Variants in GGNBP2 observed in about 807,000 individuals in gnomAD.
The protein encoded by GGNBP2 is gametogenetin-binding protein 2.
GGNBP2 carries 10 observed loss-of-function variants against 85.9 expected under a neutral mutation model. The ratio of observed to expected loss-of-function variants is 0.12; its 90% CI spans 0.07 to 0.20. The LOEUF (loss-of-function observed/expected upper bound fraction) is 0.20. GGNBP2 is among the 10% of genes least tolerant of loss of function. GGNBP2 has a pLI of 1.00. For synonymous variants in GGNBP2, 287 were observed against 285.7 expected (o/e 1.00, Z -0.05); for missense variants, 595 against 857.8 (o/e 0.69, Z 3.83).
chr17:36,575,952 C>T (rs1006433619), intron 6 of GGNBP2, among the ~76,000 whole-genome samples: 1 of 150,384 alleles, frequency 6.6e-6, no homozygotes, highest in Non-Finnish European at 1.5e-5. Context: ...CAGCCCATAT[C>T]TTCATTTTAA....
intron 2 of GGNBP2, among the ~76,000 whole-genome samples, chr17:36,553,715 T>C (rs912582750): frequency 1.3e-5 from 2 of 152,220 alleles, no homozygotes; most frequent in African/African-American, 4.8e-5. Flanking sequence ...AGTTAAGATA[T>C]ACATGTGTTA....
chr17:36,549,365 G>A (rs969034742), intron 2 of GGNBP2, among the ~76,000 whole-genome samples: 7 of 152,278 alleles, frequency 4.6e-5, no homozygotes, highest in African/African-American at 1.7e-4. Flanking sequence ...ACCACGCCCA[G>A]CTAATTTTTT....
At chr17:36,552,871 T>C (rs2074323932) in intron 2 of GGNBP2, among the ~76,000 whole-genome samples, 1 of 151,812 alleles carries the variant, frequency 6.6e-6, no homozygotes, top group African/African-American at 2.4e-5. Flanking sequence ...AAATACAAAA[T>C]ATTAACCATG....
intron 6 of GGNBP2, chr17:36,574,949 A>G (rs1294812782): frequency 1.5e-6 from 2 of 1,318,404 alleles, no homozygotes; most frequent in African/African-American, 2.9e-5. Flanking sequence ...ATTGTAGTCC[A>G]CGATGGCAAC....
At chr17:36,578,273 C>T (rs2074611447) in intron 7 of GGNBP2, 87 bp downstream of exon 7, 8 of 980,412 alleles carry the variant, frequency 8.2e-6, no homozygotes, top group Non-Finnish European at 1.2e-5. Context: ...CCTTCTGCCT[C>T]AGTACATATG....
At chr17:36,553,855 CTG>C (rs1464527821) in intron 2 of GGNBP2, among the ~76,000 whole-genome samples, 1 of 152,120 alleles carries the variant, frequency 6.6e-6, no homozygotes, top group African/African-American at 2.4e-5. Context: ...TACTAAAAAT[CTG>C]TGGTGTGACA....
chr17:36,575,166 C>T (rs2142757399), intron 6 of GGNBP2: 3 of 663,524 alleles, frequency 4.5e-6, no homozygotes, highest in Non-Finnish European at 8.2e-6. Context: ...GGCATCCACT[C>T]TTTATCCTCG....
chr17:36,572,685 C>A (rs988536410), intron 6 of GGNBP2, among the ~76,000 whole-genome samples: 1 of 152,054 alleles, frequency 6.6e-6, no homozygotes, highest in East Asian at 1.9e-4. Context: ...CAGAGTGAGA[C>A]CCTGTCTCAA....
At chr17:36,545,956 C>T in intron 2 of GGNBP2, 139 bp downstream of exon 2, 1 of 621,556 alleles carries the variant, frequency 1.6e-6, no homozygotes, top group South Asian at 2.0e-5. Context: ...TCAGCAGGCC[C>T]CACAAACTCG....
rs1001495926 is a variant in GGNBP2 at position 36,545,662 on chromosome 17, AGCGGCG to A, written c.-51_-46del. On this transcript the variant is annotated 5_prime_UTR_variant, in exon 2 of 14. Transcript: ENST00000613102. ...CGGCAGCGGCGGCGGCAGAAACAGC[AGCGGCG>A]GCGGCGGCGGCAGCTGGGAGGAGGT... The A allele has an allele frequency of 3.5e-5, 46 of 1,301,010 alleles. No individual in the cohort carries two copies. The highest frequency in any genetic ancestry group is 1.9e-4 in the Middle Eastern group (1 of 5,254). The allele number at this position is 1,301,010 out of a possible 1,614,324, so 80.6% of individuals were successfully genotyped here.
chr17:36,587,177 G>T lies in GGNBP2; in HGVS notation c.1822G>T (p.Ala608Ser). 1 of 1,614,120 alleles carries T rather than the reference G, an allele frequency of 6.2e-7. No homozygotes were observed. The highest frequency in any genetic ancestry group is 8.5e-7 in the Non-Finnish European group (1 of 1,180,024). Reference sequence around the variant, plus strand: ...GCATAGGAAAAATGTACCACAGTTTGCAGAACCTACAGAAACGTTGTTTGG... The same window carrying T: ...GCATAGGAAAAATGTACCACAGTTTTCAGAACCTACAGAAACGTTGTTTGG... ...FEHRKNVPQF[A>S]EPTETLFGPD... Residue 608 changes from alanine (A) to serine (S), a missense_variant, in exon 13 of 14, where the codon GCA (alanine) becomes TCA (serine). Physicochemically the swap from Ala to Ser is moderately conservative, Grantham distance 99. Transcript: ENST00000613102.
chr17:36,552,669 TTGACATTTGGACA>T, intron 2 of GGNBP2, among the ~76,000 whole-genome samples: 1 of 152,186 alleles, frequency 6.6e-6, no homozygotes, highest in South Asian at 2.1e-4. Context: ...AATTGGATAA[TTGACATTTGGACA>T]TTTCATCTGT....
At chr17:36,586,631 T>G (rs139924452) in intron 12 of GGNBP2, 1 of 250,736 alleles carries the variant, frequency 4.0e-6, no homozygotes, top group African/African-American at 2.3e-5. Context: ...ATGTCAGGAT[T>G]TTTTTGAGAT....
chr17:36,586,250 C>T (rs1370443924), intron 12 of GGNBP2, 52 bp downstream of exon 12: 7 of 1,567,804 alleles, frequency 4.5e-6, no homozygotes, highest in African/African-American at 2.7e-5. Flanking sequence ...GGACAGAACA[C>T]GTGTTTTCCT....
chr17:36,575,248 G>T, intron 6 of GGNBP2: 1 of 622,652 alleles, frequency 1.6e-6, no homozygotes, highest in Non-Finnish European at 2.9e-6. Flanking sequence ...TGCCACTGCC[G>T]AAACCTCCAC....
intron 6 of GGNBP2, among the ~76,000 whole-genome samples, chr17:36,569,315 G>T (rs1025992522): frequency 2.6e-5 from 4 of 152,204 alleles, no homozygotes; most frequent in Non-Finnish European, 5.9e-5. Context: ...GGGAGACTGA[G>T]GCAGGTGAAT....
At chr17:36,551,581 T>C (rs1599498118) in intron 2 of GGNBP2, among the ~76,000 whole-genome samples, 1 of 151,448 alleles carries the variant, frequency 6.6e-6, no homozygotes, top group South Asian at 2.1e-4. Flanking sequence ...CGGTGGCTCA[T>C]GCCTGTAATC....
At chr17:36,566,740 T>C (rs540264854) in intron 5 of GGNBP2, among the ~76,000 whole-genome samples, 14 of 152,290 alleles carry the variant, frequency 9.2e-5, no homozygotes, top group African/African-American at 3.4e-4. Context: ...GTGTTCGTCT[T>C]AGTGTACTAT....
chr17:36,545,427 G>C (rs1238770909), intron 1 of GGNBP2, 192 bp from the exon 2 acceptor site: 1 of 371,944 alleles, frequency 2.7e-6, no homozygotes, highest in African/African-American at 2.1e-5. Context: ...GGGCGGGAGA[G>C]AGGGAGGGAG....
Sources: allele counts gnomAD v4.1 joint callset (sites outside exome capture counted in the v4.1 genomes callset), GRCh38; gene constraint gnomAD v4.1.1; transcripts MANE v1.5; gene names NCBI Gene and HGNC (gene_info 2026-07-23, HGNC 2026-07-21).